Variants in PTPRG observed in about 807,000 individuals in gnomAD.
The protein encoded by PTPRG is receptor-type tyrosine-protein phosphatase gamma.
PTPRG carries 102 observed loss-of-function variants against 165.3 expected under a neutral mutation model. The ratio of observed to expected loss-of-function variants is 0.62; its 90% confidence interval spans 0.53 to 0.73. The LOEUF is 0.73. PTPRG is among the 30% of genes least tolerant of loss of function. The pLI, the probability that PTPRG is intolerant of heterozygous loss-of-function variation, is 0.00. For missense variants in PTPRG, 1,866 were observed against 1,861.4 expected (o/e 1.00, Z -0.05); for synonymous variants, 675 against 669.5 (o/e 1.01, Z -0.13).
At chr3:61,824,581 G>C (rs2036055292) in intron 2 of PTPRG, among the ~76,000 whole-genome samples, 1 of 152,182 alleles carries the variant, frequency 6.6e-6, no homozygotes, top group South Asian at 2.1e-4. Context: ...TGTAATCCCA[G>C]CACTTTAAAA....
At chr3:61,996,123 T>G (rs1046146187) in intron 3 of PTPRG, among the ~76,000 whole-genome samples, 1 of 152,164 alleles carries the variant, frequency 6.6e-6, no homozygotes, top group African/African-American at 2.4e-5. Flanking sequence ...AAAATGTTTT[T>G]ATTTGTTGTA....
At chr3:61,991,319 C>T (rs2040884207) in intron 3 of PTPRG, among the ~76,000 whole-genome samples, 1 of 152,212 alleles carries the variant, frequency 6.6e-6, no homozygotes, top group Admixed American at 6.5e-5. Flanking sequence ...GATTCTCCTG[C>T]CTCAGCCTCC....
intron 8 of PTPRG, among the ~76,000 whole-genome samples, chr3:62,183,500 G>A (rs1289802002): frequency 1.3e-5 from 2 of 151,282 alleles, no homozygotes; most frequent in Non-Finnish European, 2.9e-5. Context: ...GGAGGCAGAG[G>A]TTGCAGTGAG....
rs1033020309 is a variant in PTPRG, at chr3:62,217,209, C to G, written c.2156-1642C>G. ...GAGTTAGGAAAATGGGCAGGCACAG[C>G]TAGGAAGGCACTTTATAAATGGCAA... On this transcript the variant is annotated intron_variant, in intron 12 of 29. Coordinates refer to ENST00000474889, the MANE Select transcript of PTPRG (RefSeq NM_002841.4). The surrounding 1 kb of genome is among the most constrained non-coding windows in gnomAD (Gnocchi z 4.3). Among the ~76,000 whole-genome samples, 2 of 152,128 alleles carry G rather than the reference C, an allele frequency of 1.3e-5. No homozygotes were observed. The highest frequency in any genetic ancestry group is 4.8e-5 in the African/African-American group (2 of 41,430).
chr3:62,036,882 T>C (rs560101133), intron 4 of PTPRG, among the ~76,000 whole-genome samples: 206 of 152,318 alleles, frequency 1.4e-3, no homozygotes, highest in African/African-American at 4.8e-3. Context: ...TTGTTGTGGC[T>C]GTGGGATGAC....
intron 2 of PTPRG, among the ~76,000 whole-genome samples, chr3:61,801,861 T>C (rs150463761): frequency 2.6e-5 from 4 of 152,026 alleles, no homozygotes; most frequent in East Asian, 1.9e-4. Flanking sequence ...CTACTAAAAA[T>C]ACACACACAC....
rs1200737130 is a variant in PTPRG, at chr3:61,859,601, A to G, written c.190+110619A>G. Among the ~76,000 whole-genome samples, 4 of 140,882 alleles carry G rather than the reference A, an allele frequency of 2.8e-5. No homozygotes were observed. In the East Asian group the frequency reaches 9.3e-4, roughly 33 times the overall value. 92.4% of individuals were successfully genotyped at this position (140,882 alleles called of 152,430 possible). A position where few individuals can be genotyped will look rare whatever the true frequency, so the allele number is the denominator to read the frequency against. On this transcript the variant is annotated intron_variant, in intron 2 of 29. Coordinates refer to ENST00000474889, the MANE Select transcript of PTPRG (RefSeq NM_002841.4). The stretch of plus-strand genomic sequence containing the variant: ...GTTTCTTATTTGAGATCTTGGTTTG[A>G]TAGTCCATAGTTTTTTTTTTTTTGG...
At chr3:61,583,028 C>T (rs1431167994) in intron 1 of PTPRG, among the ~76,000 whole-genome samples, 1 of 152,178 alleles carries the variant, frequency 6.6e-6, no homozygotes, top group East Asian at 1.9e-4. Context: ...ACAAAGTGAA[C>T]AGAGGCAATA....
intron 2 of PTPRG, among the ~76,000 whole-genome samples, chr3:61,858,670 A>G (rs1198864631): frequency 2.0e-5 from 3 of 152,220 alleles, no homozygotes; most frequent in Non-Finnish European, 4.4e-5. Context: ...CACTATTATA[A>G]TAAATATGAC....
intron 15 of PTPRG, among the ~76,000 whole-genome samples, chr3:62,248,334 A>C (rs185911506): frequency 1.3e-5 from 2 of 152,284 alleles, no homozygotes; most frequent in African/African-American, 4.8e-5. Context: ...GTTTTGACTC[A>C]ATATATTTCA....
chr3:61,575,598 C>CTTTT (rs34363041), intron 1 of PTPRG, among the ~76,000 whole-genome samples: 37 of 117,296 alleles, frequency 3.2e-4, no homozygotes, highest in African/African-American at 8.5e-4. Flanking sequence ...GCACACAGAA[C>CTTTT]TTTTTTTTTT....
intron 2 of PTPRG, among the ~76,000 whole-genome samples, chr3:61,901,648 G>A (rs1031111970): frequency 2.6e-5 from 4 of 152,146 alleles, no homozygotes; most frequent in East Asian, 1.9e-4. Context: ...TGGGCTAAGC[G>A]TTAATAGCAT....
At chr3:61,962,029 A>AT (rs2040164029) in intron 2 of PTPRG, among the ~76,000 whole-genome samples, 1 of 152,084 alleles carries the variant, frequency 6.6e-6, no homozygotes, top group Non-Finnish European at 1.5e-5. Flanking sequence ...GCCATGAAGT[A>AT]TTTTTTTGTC....
At chr3:61,687,990 T>G (rs551609169) in intron 1 of PTPRG, among the ~76,000 whole-genome samples, 1 of 152,330 alleles carries the variant, frequency 6.6e-6, no homozygotes, top group East Asian at 1.9e-4. Flanking sequence ...TTTCCAAGTT[T>G]CTTAGCAAAA....
At chr3:62,267,658 C>A in intron 18 of PTPRG, 27 bp from the exon 19 acceptor site, 1 of 1,600,794 alleles carries the variant, frequency 6.2e-7, no homozygotes. Flanking sequence ...CTGCTTTCAT[C>A]TCACTTTGTG....
chr3:61,889,654 A>G (rs2038153551), intron 2 of PTPRG, among the ~76,000 whole-genome samples: 2 of 152,164 alleles, frequency 1.3e-5, no homozygotes, highest in South Asian at 2.1e-4. Flanking sequence ...AGTCTACTTA[A>G]AGCTAATTTA....
intron 4 of PTPRG, among the ~76,000 whole-genome samples, chr3:62,047,151 ATTTACTTCAATATTC>A (rs928942681): frequency 1.3e-5 from 2 of 152,136 alleles, no homozygotes; most frequent in African/African-American, 4.8e-5. Context: ...ATATAACCCC[ATTTACTTCAATATTC>A]TTGCCTTATG....
intron 1 of PTPRG, among the ~76,000 whole-genome samples, chr3:61,693,835 G>A (rs926493393): frequency 2.0e-5 from 3 of 151,866 alleles, no homozygotes; most frequent in Admixed American, 1.3e-4. Flanking sequence ...GTGAAACCCC[G>A]TCTCTACTAA....
chr3:61,956,317 A>G (rs9829226), intron 2 of PTPRG, among the ~76,000 whole-genome samples: 3,522 of 152,052 alleles, frequency 0.023, 152 homozygotes, highest in African/African-American at 0.079. Context: ...CACGCTTACT[A>G]CATATTCATA....
Sources: gnomAD v4.1 joint callset for allele counts (sites outside exome capture counted in the v4.1 genomes callset) on GRCh38, gnomAD v4.1.1 for gene constraint, Gnocchi (gnomAD v3.1) non-coding constraint, MANE v1.5 for transcripts, NCBI Gene and HGNC (gene_info 2026-07-23, HGNC 2026-07-21) for gene names.